Variants in ZNF317 observed in about 807,000 individuals in gnomAD.
ZNF317 encodes zinc finger protein 317, also known as KRAB-containing zinc finger protein 317.
ZNF317 carries 17 observed loss-of-function variants against 23.4 expected under a neutral mutation model. The ratio of observed to expected loss-of-function variants is 0.73; its 90% CI spans 0.50 to 1.09. The LOEUF (loss-of-function observed/expected upper bound fraction) is 1.09, where lower values mean the gene tolerates loss of function less well. Among genes scored for constraint, ZNF317 ranks in the 50% least tolerant of loss-of-function variants. ZNF317 has a pLI of 0.00. For synonymous variants in ZNF317, 317 were observed against 314.9 expected, an observed-to-expected ratio of 1.01 and a Z score of -0.07; for missense variants, 679 against 796.7, an observed-to-expected ratio of 0.85 and a Z score of 1.78.
intron 1 of ZNF317, among the ~76,000 whole-genome samples, chr19:9,146,378 C>T (rs1419100490): frequency 6.6e-6 from 1 of 150,470 alleles, no homozygotes; most frequent in African/African-American, 2.4e-5. Context: ...TTGTTGCCTT[C>T]TCTGTCTCTC....
At chr19:9,145,342 C>T (rs1333075607) in intron 1 of ZNF317, among the ~76,000 whole-genome samples, 4 of 152,264 alleles carry the variant, frequency 2.6e-5, no homozygotes, top group South Asian at 2.1e-4. Context: ...AGGCTGGTCT[C>T]GAACTCCTGC....
In ZNF317 at chr19:9,163,378, T is replaced by C. The variant is rs2050880915; in HGVS notation, c.*1945T>C. 6.6e-6 allele frequency: 1 copy of C among 152,188 alleles called. No individual in the cohort carries two copies. Among genetic ancestry groups the C allele is most frequent in the South Asian group, 2.1e-4 (1 of 4,826 alleles). The allele number at this position is 152,188 out of a possible 1,614,324, so 9.4% of individuals were successfully genotyped here. A position where few individuals can be genotyped will look rare whatever the true frequency, so the allele number is the denominator to read the frequency against. On this transcript the variant is annotated 3_prime_UTR_variant, in exon 7 of 7. Transcript: ENST00000247956. ...CCTGGACTTCCAGACTTCTATCACATGAGAAAAAATAAAACTGATTATTGG... is the reference window on the plus strand; with the variant it reads ...CCTGGACTTCCAGACTTCTATCACACGAGAAAAAATAAAACTGATTATTGG...
chr19:9,156,614 A>G lies in ZNF317; in HGVS notation c.28A>G (p.Thr10Ala), dbSNP rs1460866652. Residue 10 changes from threonine (T) to alanine (A), a missense_variant and splice_region_variant, in exon 3 of 7, where the codon ACG becomes GCG. Physicochemically the swap from Thr to Ala is moderately conservative, Grantham distance 58 (BLOSUM62 0). Coordinates refer to ENST00000247956, the MANE Select transcript of ZNF317 (RefSeq NM_020933.5). MAALSPTFA[T>A]STQDSTCLQD... is the part of the protein sequence containing the mutation. ...ATGAACCCTGTTTTCTCCTCCAGCC[A>G]CGTCCACCCAGGATTCCACCTGTCT... The G allele has an allele frequency of 6.2e-7, 1 of 1,613,716 alleles. No homozygotes were observed. Among genetic ancestry groups the G allele is most frequent in the East Asian group, 2.2e-5 (1 of 44,876 alleles).
At chr19:9,156,432 C>G (rs1262458115) in intron 2 of ZNF317, among the ~76,000 whole-genome samples, 180 bp from the exon 3 acceptor site, 1 of 152,076 alleles carries the variant, frequency 6.6e-6, no homozygotes, top group Non-Finnish European at 1.5e-5. Context: ...TTTGGTGGAA[C>G]AGGGCTGCTC....
intron 1 of ZNF317, among the ~76,000 whole-genome samples, chr19:9,150,390 A>G (rs977965688): frequency 6.6e-6 from 1 of 152,212 alleles, no homozygotes; most frequent in African/African-American, 2.4e-5. Flanking sequence ...GAGAAAACTG[A>G]GTTTTGATGA....
At position 9,140,545 on chromosome 19, in the gene ZNF317, G is replaced by A. The variant is rs1240600382; in HGVS notation, c.-140G>A. The A allele has an allele frequency of 4.4e-6, 2 of 456,460 alleles. No individual in the cohort carries two copies. The highest frequency in any genetic ancestry group is 8.8e-6 in the Non-Finnish European group (2 of 226,940). 28.3% of individuals were successfully genotyped at this position (456,460 alleles called of 1,614,324 possible). A position where few individuals can be genotyped will look rare whatever the true frequency, so the allele number is the denominator to read the frequency against. ...TCCCGTATGAACTTCTCTTCGCATC[G>A]GCGGCGGCTTCCGTCACCTCCGCTC... On this transcript the variant is annotated 5_prime_UTR_variant, in exon 1 of 7. Coordinates refer to ENST00000247956, the MANE Select transcript of ZNF317 (RefSeq NM_020933.5).
intron 1 of ZNF317, among the ~76,000 whole-genome samples, chr19:9,141,079 A>ACT (rs112304863): frequency 0.24 from 36,435 of 151,834 alleles, 4,678 homozygotes; most frequent in African/African-American, 0.34. Context: ...ATTTTAGTGG[A>ACT]CTCTTGTAAA....
rs140548059 is a variant in ZNF317, at chr19:9,154,441, A to G, written c.-92-1484A>G. ...TTTTTTTTTCAATTCTATCAACTTA[A>G]TTACGTTTTGCCTATTCATGGACAT... On this transcript the variant is annotated intron_variant, in intron 1 of 6. Transcript: ENST00000247956. Among the ~76,000 whole-genome samples, 1,044 of 151,988 alleles carry G rather than the reference A, an allele frequency of 6.9e-3. 7 individuals are homozygous for G. Among genetic ancestry groups the G allele is most frequent in the Middle Eastern group, 0.02 (6 of 294 alleles).
At position 9,162,386 on chromosome 19, in the gene ZNF317, G is replaced by A. The variant is rs149818985; in HGVS notation, c.*953G>A. The A allele has an allele frequency of 1.3e-5, 2 of 151,766 alleles. No homozygotes were observed. The highest frequency in any genetic ancestry group is 1.9e-4 in the East Asian group (1 of 5,160). 9.4% of individuals were successfully genotyped at this position (151,766 alleles called of 1,614,324 possible). A position where few individuals can be genotyped will look rare whatever the true frequency, so the allele number is the denominator to read the frequency against. On this transcript the variant is annotated 3_prime_UTR_variant, in exon 7 of 7. Coordinates refer to ENST00000247956, the MANE Select transcript of ZNF317 (RefSeq NM_020933.5). ...TTTTATGAATCTTGTGAGCACTTAC[G>A]CTAGGAGAAATTTCTTTTACAAAAC...
intron 1 of ZNF317, among the ~76,000 whole-genome samples, chr19:9,148,810 C>T (rs576725709): frequency 1.4e-4 from 21 of 152,280 alleles, no homozygotes; most frequent in Non-Finnish European, 2.1e-4. Flanking sequence ...AATGCTTACC[C>T]GGTGTTCTGT....
chr19:9,153,093 A>C (rs1209685165), intron 1 of ZNF317, among the ~76,000 whole-genome samples: 3 of 151,962 alleles, frequency 2.0e-5, no homozygotes, highest in African/African-American at 7.3e-5. Context: ...TCTCTGCTTT[A>C]ATCTTTATTT....
rs778603488 is a variant in ZNF317 at position 9,160,877 on chromosome 19, T to G, written c.1232T>G (p.Ile411Ser). 1.2e-6 allele frequency: 2 copies of G among 1,614,054 alleles called. No homozygotes were observed. Among genetic ancestry groups the G allele is most frequent in the Non-Finnish European group, 1.7e-6 (2 of 1,180,010 alleles). The change falls in exon 7 of 7, where the codon ATT (isoleucine) becomes AGT (serine). Residue 411 changes from isoleucine to serine, a missense_variant. Transcript: ENST00000247956. This position sits in a 1 kb window ranked among gnomAD's most constrained non-coding sequence, Gnocchi z 6.8. Reference protein sequence around the residue: ...DLVSRRKHMRIHIVKKPVECR... With the variant: ...DLVSRRKHMRSHIVKKPVECR... ...GTGTCCCGGAGGAAACACATGAGGA[T>G]TCACATCGTCAAGAAACCCGTGGAA...
chr19:9,147,330 G>GTTTTTTTTT lies in ZNF317; in HGVS notation c.-93+6757_-93+6765dup, dbSNP rs35259257. Among the ~76,000 whole-genome samples the GTTTTTTTTT allele has an allele frequency of 4.2e-4, 46 of 110,150 alleles. 5 individuals carry two copies. Among genetic ancestry groups the GTTTTTTTTT allele is most frequent in the African/African-American group, 1.8e-3 (46 of 25,596 alleles). 72.3% of individuals were successfully genotyped at this position (110,150 alleles called of 152,430 possible). On this transcript the variant is annotated intron_variant, in intron 1 of 6. Transcript: ENST00000247956. ...TGGTGACAGCATTCCAATGACACTG[G>GTTTTTTTTT]TTTTTTTTTTTTTTTTTTTTTTTTT...
chr19:9,150,096 G>T (rs557647667), intron 1 of ZNF317, among the ~76,000 whole-genome samples: 2 of 152,296 alleles, frequency 1.3e-5, no homozygotes, highest in Admixed American at 1.3e-4. Flanking sequence ...GGGGAGGCTG[G>T]TGGCAGCACA....
chr19:9,140,436 C>G lies in ZNF317; in HGVS notation c.-249C>G. The G allele has an allele frequency of 2.2e-6, 1 of 450,206 alleles. No individual in the cohort carries two copies. The highest frequency in any genetic ancestry group is 1.6e-5 in the South Asian group (1 of 63,732). The allele number at this position is 450,206 out of a possible 1,614,324, so 27.9% of individuals were successfully genotyped here. ...CATTACTCTCTGGAGTCGATTGCCC[C>G]GAGACACATGGGCCAAGGAGGGGTC... On this transcript the variant is annotated 5_prime_UTR_variant, in exon 1 of 7. Coordinates refer to ENST00000247956, the MANE Select transcript of ZNF317 (RefSeq NM_020933.5).
intron 1 of ZNF317, 104 bp downstream of exon 1, chr19:9,140,696 A>G: frequency 2.6e-6 from 1 of 386,946 alleles, no homozygotes; most frequent in East Asian, 8.8e-5. Flanking sequence ...GGGGCTAAAG[A>G]GCTAGGCATC....
At chr19:9,153,736 G>A (rs904754957) in intron 1 of ZNF317, among the ~76,000 whole-genome samples, 1 of 152,148 alleles carries the variant, frequency 6.6e-6, no homozygotes, top group Non-Finnish European at 1.5e-5. Context: ...TAGAGGAGCC[G>A]AGAATAGAGA....
Position 9,160,446 on chromosome 19 carries a change from C to G in ZNF317, c.801C>G (p.Ser267Arg). The G allele has an allele frequency of 6.2e-7, 1 of 1,613,856 alleles. No individual in the cohort carries two copies. Among genetic ancestry groups the G allele is most frequent in the Non-Finnish European group, 8.5e-7 (1 of 1,179,952 alleles). The change falls in exon 7 of 7, where the codon AGC becomes AGG. Residue 267 changes from serine (S) to arginine (R), a missense_variant. Ser to Arg is a moderately radical substitution (Grantham distance 110, BLOSUM62 -1). Coordinates refer to ENST00000247956, the MANE Select transcript of ZNF317 (RefSeq NM_020933.5). The surrounding 1 kb of genome is among the most constrained non-coding windows in gnomAD (Gnocchi z 6.8). Reference sequence around the variant, plus strand: ...TCAACGACCCTTCAGCCCTTAGGAGCCACGCAAGAACTCACCTCAAAGAGA... The same window carrying G: ...TCAACGACCCTTCAGCCCTTAGGAGGCACGCAAGAACTCACCTCAAAGAGA... ...KAFNDPSALRSHARTHLKEKP... is the reference protein window; with the variant it reads ...KAFNDPSALRRHARTHLKEKP...
intron 5 of ZNF317, among the ~76,000 whole-genome samples, chr19:9,158,356 C>CTTTTTTTTTTTTTTT (rs373466874): frequency 1.3e-5 from 1 of 74,876 alleles, no homozygotes; most frequent in African/African-American, 6.7e-5. Flanking sequence ...CCTTAAATTT[C>CTTTTTTTTTTTTTTT]TTTTTTCTTT....
Sources: allele counts gnomAD v4.1 joint callset (sites outside exome capture counted in the v4.1 genomes callset), GRCh38; gene constraint gnomAD v4.1.1; non-coding constraint Gnocchi (gnomAD v3.1); transcripts MANE v1.5; gene names NCBI Gene and HGNC (gene_info 2026-07-23, HGNC 2026-07-21).